The following SLIT1 variants were observed in gnomAD, a reference collection of about 807,000 sequenced individuals.
SLIT1 encodes the protein slit homolog 1 protein.
SLIT1 carries 66 observed loss-of-function variants against 186.1 expected under a neutral mutation model. The observed-to-expected ratio is 0.35, with a 90% CI of 0.29 to 0.44. The LOEUF (loss-of-function observed/expected upper bound fraction) is 0.44. Ranked by LOEUF, SLIT1 falls within the 20% of genes least tolerant of loss-of-function variation. The pLI is 1.00. For missense variants in SLIT1, 1,638 were observed against 2,037.4 expected, an observed-to-expected ratio of 0.80 and a Z score of 3.77; for synonymous variants, 761 against 833.8, an observed-to-expected ratio of 0.91 and a Z score of 1.50.
chr10:97,169,638 A>G (rs1399948792), intron 1 of SLIT1, among the ~76,000 whole-genome samples: 1 of 152,206 alleles, frequency 6.6e-6, no homozygotes, highest in East Asian at 1.9e-4. Context: ...GGCAGGTCCC[A>G]GCCTCGAGTG....
chr10:97,109,505 C>G (rs1305915708), intron 4 of SLIT1, among the ~76,000 whole-genome samples: 1 of 152,142 alleles, frequency 6.6e-6, no homozygotes, highest in East Asian at 1.9e-4. Context: ...GGAAACTTTC[C>G]CAGCGAGAAG....
In SLIT1 at chr10:97,185,525, C is replaced by A. The variant is rs147703902; in HGVS notation, c.150G>T (p.Thr50=). Residue 50 remains threonine (T), a synonymous_variant, in exon 1 of 37, where the codon ACG becomes ACT. Coordinates refer to ENST00000266058, the MANE Select transcript of SLIT1 (RefSeq NM_003061.3). ...CTGTTVDCHG[T]GLQAIPKNIP... is the part of the protein sequence containing the mutation. ...TATTCTTGGGAATGGCCTGCAGCCC[C>A]GTGCCGTGGCAGTCCACCGTGGTTC... 6.2e-7 allele frequency: 1 copy of A among 1,612,270 alleles called. No homozygotes were observed. Among genetic ancestry groups the A allele is most frequent in the East Asian group, 2.2e-5 (1 of 44,830 alleles).
At chr10:97,177,547 T>C (rs1268543421) in intron 1 of SLIT1, among the ~76,000 whole-genome samples, 1 of 152,204 alleles carries the variant, frequency 6.6e-6, no homozygotes. Flanking sequence ...TGTATTATCT[T>C]TCAGTTCTGG....
chr10:97,011,242 A>C, intron 30 of SLIT1, 112 bp from the exon 31 acceptor site: 1 of 748,848 alleles, frequency 1.3e-6, no homozygotes, highest in Non-Finnish European at 2.3e-6. Context: ...GGAGAACCTC[A>C]AGTTCCATTG....
rs1436084187 is a variant in SLIT1 at position 97,006,478 on chromosome 10, C to T, written c.3579+5G>A. 7 of 1,606,946 alleles carry T rather than the reference C, an allele frequency of 4.4e-6. No homozygotes were observed. Among genetic ancestry groups the T allele is most frequent in the Admixed American group, 1.7e-5 (1 of 59,972 alleles). On this transcript the variant is annotated splice_donor_5th_base_variant and intron_variant, in intron 32 of 36. Coordinates refer to ENST00000266058, the MANE Select transcript of SLIT1 (RefSeq NM_003061.3). The surrounding 1 kb of genome is among the most constrained non-coding windows in gnomAD (Gnocchi z 4.0). Reference sequence around the variant, plus strand: ...CCCTCTGTGACCAAGCCCCCTGGCACGCACCTGCAACGTGATGTTGGCCCG... The same window carrying T: ...CCCTCTGTGACCAAGCCCCCTGGCATGCACCTGCAACGTGATGTTGGCCCG...
At chr10:97,054,799 G>T (rs1848822406) in intron 13 of SLIT1, among the ~76,000 whole-genome samples, 1 of 152,200 alleles carries the variant, frequency 6.6e-6, no homozygotes, top group Admixed American at 6.5e-5. Context: ...CAGTTACAAG[G>T]AAAAGAGAAA....
chr10:97,115,560 C>A (rs1288286688), intron 4 of SLIT1, among the ~76,000 whole-genome samples: 3 of 152,116 alleles, frequency 2.0e-5, no homozygotes, highest in African/African-American at 7.2e-5. Flanking sequence ...TTCCCAGCAG[C>A]CCTCAGCTCC....
At position 97,063,540 on chromosome 10, in the gene SLIT1, G is replaced by A. The variant is rs900242418; in HGVS notation, c.708C>T (p.Ile236=). The A allele has an allele frequency of 6.8e-6, 11 of 1,613,016 alleles. No homozygotes were observed. The highest frequency in any genetic ancestry group is 2.2e-5 in the South Asian group (2 of 90,966). The change falls in exon 8 of 37, where the codon ATC becomes ATT. Residue 236 remains isoleucine, a synonymous_variant. Transcript: ENST00000266058. ...GGCCCGAGCACTGGGTGAAGAGCCC[G>A]ATGGTTGGCCGCTGCCTCAGCCACT... The part of the protein sequence containing the change: ...LSQWLRQRPT[I]GLFTQCSGPA...
At chr10:97,036,664 A>C (rs1302817846) in intron 22 of SLIT1, among the ~76,000 whole-genome samples, 1 of 152,216 alleles carries the variant, frequency 6.6e-6, no homozygotes, top group Non-Finnish European at 1.5e-5. Context: ...TCTGGGACTG[A>C]TGTGGGCCCG....
rs768287574 is a variant in SLIT1 at position 97,002,713 on chromosome 10, T to G, written c.4145A>C (p.His1382Pro). The change falls in exon 35 of 37, where the codon CAT becomes CCT. Residue 1382 changes from histidine to proline, a missense_variant. Physicochemically the swap from His to Pro is moderately conservative, Grantham distance 77 (BLOSUM62 -2). This residue lies in a region of SLIT1 where 220 missense variants were observed against 211.3 expected (regional missense o/e 1.04). Transcript: ENST00000266058. ...AGTGCCCCAGGCTCACTTGTGGCCATGGCAGGGGCCGTCAGCGGGCTGGTC... is the reference window on the plus strand; with the variant it reads ...AGTGCCCCAGGCTCACTTGTGGCCAGGGCAGGGGCCGTCAGCGGGCTGGTC... Reference protein sequence around the residue: ...HCDQPADGPCHGHKCVHGQCV... With the variant: ...HCDQPADGPCPGHKCVHGQCV... The G allele has an allele frequency of 2.9e-5, 46 of 1,575,556 alleles. No individual in the cohort carries two copies. The highest frequency in any genetic ancestry group is 3.8e-5 in the Non-Finnish European group (44 of 1,157,122).
chr10:97,069,967 C>G (rs1409335248), intron 4 of SLIT1, among the ~76,000 whole-genome samples: 2 of 152,110 alleles, frequency 1.3e-5, no homozygotes, highest in African/African-American at 4.8e-5. Flanking sequence ...TGGGTTTGCC[C>G]TCTCTGGGAG....
chr10:97,128,641 C>T (rs1447385388), intron 4 of SLIT1, among the ~76,000 whole-genome samples: 1 of 152,210 alleles, frequency 6.6e-6, no homozygotes, highest in Admixed American at 6.5e-5. Flanking sequence ...GCCTGGAGCC[C>T]AGAACCCAAA....
chr10:97,004,953 GC>G lies in SLIT1; in HGVS notation c.3580-131del. 9.1e-7 allele frequency: 1 copy of G among 1,102,574 alleles called. No homozygotes were observed. Among genetic ancestry groups the G allele is most frequent in the Non-Finnish European group, 1.3e-6 (1 of 758,770 alleles). The allele number at this position is 1,102,574 out of a possible 1,614,324, so 68.3% of individuals were successfully genotyped here. ...GTGCAGAGCGCTCTTCCCCCACCTG[GC>G]CAGCCTCCCCAAGGCCATTCCTCCA... On this transcript the variant is annotated intron_variant, in intron 32 of 36. Transcript: ENST00000266058. The surrounding 1 kb of genome is among the most constrained non-coding windows in gnomAD (Gnocchi z 5.1).
intron 4 of SLIT1, among the ~76,000 whole-genome samples, chr10:97,086,267 A>G (rs1849157945): frequency 6.6e-6 from 1 of 152,224 alleles, no homozygotes; most frequent in Non-Finnish European, 1.5e-5. Context: ...AATATTATTC[A>G]GTGATAAAAA....
At chr10:97,034,236 TA>T (rs1848617919) in intron 23 of SLIT1, among the ~76,000 whole-genome samples, 1 of 152,262 alleles carries the variant, frequency 6.6e-6, no homozygotes, top group Non-Finnish European at 1.5e-5. Context: ...ACTGTATATT[TA>T]TTTTTTTGCA....
chr10:97,030,965 A>G, intron 24 of SLIT1, 137 bp from the exon 25 acceptor site: 1 of 712,762 alleles, frequency 1.4e-6, no homozygotes, highest in Non-Finnish European at 2.5e-6. Flanking sequence ...GACCTGAAGG[A>G]GATGGCCCCT....
At chr10:97,031,228 A>AG (rs1472715874) in intron 24 of SLIT1, among the ~76,000 whole-genome samples, 1 of 152,192 alleles carries the variant, frequency 6.6e-6, no homozygotes, top group Non-Finnish European at 1.5e-5. Context: ...GGATGGACTG[A>AG]GGGCTTTGAT....
At chr10:97,002,049 AG>A in intron 36 of SLIT1, 108 bp downstream of exon 36, 1 of 661,784 alleles carries the variant, frequency 1.5e-6, no homozygotes, top group East Asian at 2.9e-5. Context: ...CCCATGGTAC[AG>A]GGCTGGGAAG....
rs554903552 is a variant in SLIT1 at position 97,002,794 on chromosome 10, T to A, written c.4064A>T (p.Asn1355Ile). 5.6e-6 allele frequency: 9 copies of A among 1,613,880 alleles called. No individual in the cohort carries two copies. The South Asian group carries it at 9.9e-5, about 18-fold the overall frequency. ...GTGGCACATGGGCCCTGGGGTGGCA[T>A]TGGGCTGGCAGATGCCATGCAGGCA... Reference protein sequence around the residue: ...LYCLHGICQPNATPGPMCHCE... With the variant: ...LYCLHGICQPIATPGPMCHCE... The change falls in exon 35 of 37, where the codon AAT (asparagine) becomes ATT (isoleucine). Residue 1355 changes from asparagine to isoleucine, a missense_variant. Physicochemically the swap from Asn to Ile is moderately radical, Grantham distance 149 (BLOSUM62 -3). This residue lies in a region of SLIT1 where 173 missense variants were observed against 290.9 expected (regional missense o/e 0.59). Coordinates refer to ENST00000266058, the MANE Select transcript of SLIT1 (RefSeq NM_003061.3).
Sources: allele counts gnomAD v4.1 joint callset (sites outside exome capture counted in the v4.1 genomes callset), GRCh38; gene constraint gnomAD v4.1.1; regional missense constraint gnomAD v4.1.1; non-coding constraint Gnocchi (gnomAD v3.1); transcripts MANE v1.5; gene names NCBI Gene and HGNC (gene_info 2026-07-23, HGNC 2026-07-21).